Variants in CCDC171 observed in about 807,000 individuals in gnomAD.
The protein encoded by CCDC171 is coiled-coil domain-containing protein 171.
In CCDC171, 177 loss-of-function variants were observed where a neutral mutation model predicts 168.2. The ratio of observed to expected loss-of-function variants is 1.05; its 90% confidence interval spans 0.93 to 1.19. The LOEUF is 1.19. Ranked by LOEUF, CCDC171 falls within the 50% of genes most tolerant of loss-of-function variation. The probability of loss-of-function intolerance (pLI) is 0.00; values close to 1 mark genes in which losing one functional copy is unlikely to be tolerated. For missense variants in CCDC171, 1,991 were observed against 1,539.0 expected (o/e 1.29, Z -4.91); for synonymous variants, 687 against 540.8 (o/e 1.27, Z -3.75).
rs577351381 is a variant in CCDC171 at position 15,622,063 on chromosome 9, A to G, written c.676-1204A>G. On this transcript the variant is annotated intron_variant, in intron 6 of 25. Transcript: ENST00000380701. Reference sequence around the variant, plus strand: ...CCAAATACCACATGTTCTCACTTCCAAGTGGGAACTAAACAATGAGAACAC... The same window carrying G: ...CCAAATACCACATGTTCTCACTTCCGAGTGGGAACTAAACAATGAGAACAC... Among the ~76,000 whole-genome samples the G allele has an allele frequency of 4.6e-5, 7 of 152,322 alleles. No individual in the cohort carries two copies. In the South Asian group the frequency reaches 1.4e-3, roughly 32 times the overall value.
In CCDC171 at chr9:15,721,761, TTC is replaced by T; in HGVS notation, c.1319-4_1319-3del. On this transcript the variant is annotated splice_polypyrimidine_tract_variant and splice_region_variant and intron_variant, in intron 11 of 25. Coordinates refer to ENST00000380701, the MANE Select transcript of CCDC171 (RefSeq NM_173550.4). ...AAGGGTATATTTTCATCCTATATTT[TTC>T]TCTAGGCATCCACAAGGACAAAGAT... is the stretch of plus-strand genomic sequence containing the variant. 1 of 1,509,782 alleles carries T rather than the reference TTC, an allele frequency of 6.6e-7. No homozygotes were observed. Among genetic ancestry groups the T allele is most frequent in the Non-Finnish European group, 8.9e-7 (1 of 1,120,428 alleles). The allele number at this position is 1,509,782 out of a possible 1,614,324, so 93.5% of individuals were successfully genotyped here. A position where few individuals can be genotyped will look rare whatever the true frequency, so the allele number is the denominator to read the frequency against.
exon 5 of CCDC171, chr9:16,022,457 A>T (rs1453084694): frequency 1.3e-5 from 2 of 152,312 alleles, no homozygotes; most frequent in African/African-American, 4.8e-5. Context: ...CACTAGGCCT[A>T]TGGAGAGGGG....
At chr9:15,712,582 C>T (rs1294742173) in intron 11 of CCDC171, among the ~76,000 whole-genome samples, 1 of 152,130 alleles carries the variant, frequency 6.6e-6, no homozygotes, top group Non-Finnish European at 1.5e-5. Flanking sequence ...GTAGTTTGGT[C>T]AGAAACGTTA....
At chr9:16,099,569 G>A in the CCDC171 span, among the ~76,000 whole-genome samples, 2 of 152,232 alleles carry the variant, frequency 1.3e-5, no homozygotes, top group Non-Finnish European at 2.9e-5. Flanking sequence ...CTTCCCTAGC[G>A]ACTTCTGAAA....
the CCDC171 span, among the ~76,000 whole-genome samples, chr9:16,067,636 T>G: frequency 6.6e-6 from 1 of 152,230 alleles, no homozygotes; most frequent in African/African-American, 2.4e-5. Flanking sequence ...AATTAATTTT[T>G]GTATAAGGTG....
chr9:15,569,676 G>A (rs1161627233), intron 2 of CCDC171, among the ~76,000 whole-genome samples: 4 of 151,618 alleles, frequency 2.6e-5, no homozygotes, highest in Admixed American at 6.6e-5. Flanking sequence ...TTAGCCGGGC[G>A]TGGTGGCGGG....
chr9:15,612,829 C>A (rs1426181352), intron 6 of CCDC171, among the ~76,000 whole-genome samples: 2 of 152,124 alleles, frequency 1.3e-5, no homozygotes, highest in African/African-American at 4.8e-5. Flanking sequence ...GGAGTTCTTA[C>A]CTGTCTTACT....
intron 7 of CCDC171, among the ~76,000 whole-genome samples, chr9:15,650,061 A>G (rs909012711): frequency 2.6e-5 from 4 of 152,222 alleles, no homozygotes; most frequent in African/African-American, 9.6e-5. Flanking sequence ...ATGGAATACT[A>G]TGCAGCCATA....
chr9:15,611,059 C>T (rs1195855444), intron 6 of CCDC171, among the ~76,000 whole-genome samples: 1 of 152,128 alleles, frequency 6.6e-6, no homozygotes, highest in Non-Finnish European at 1.5e-5. Flanking sequence ...CCTCTTGGTA[C>T]TATCCTCATA....
At chr9:15,607,624 G>T (rs1036610978) in intron 6 of CCDC171, among the ~76,000 whole-genome samples, 2 of 152,000 alleles carry the variant, frequency 1.3e-5, no homozygotes, top group African/African-American at 4.8e-5. Flanking sequence ...ACCACACCTG[G>T]CTAATTTTTG....
chr9:16,011,136 C>T (rs1410693498), intron 3 of CCDC171, among the ~76,000 whole-genome samples: 2 of 152,118 alleles, frequency 1.3e-5, no homozygotes, highest in African/African-American at 4.8e-5. Context: ...TTTTCCCTTC[C>T]TTCTGATGTC....
At chr9:15,592,769 G>A (rs951423095) in intron 5 of CCDC171, among the ~76,000 whole-genome samples, 1 of 152,124 alleles carries the variant, frequency 6.6e-6, no homozygotes, top group African/African-American at 2.4e-5. Context: ...TCTTCAGCCA[G>A]TCAGCTTGCA....
At chr9:15,709,670 T>G (rs1415808092) in intron 11 of CCDC171, among the ~76,000 whole-genome samples, 1 of 152,154 alleles carries the variant, frequency 6.6e-6, no homozygotes, top group Non-Finnish European at 1.5e-5. Flanking sequence ...TTGAAATTTT[T>G]AAAACTATAA....
chr9:15,712,333 C>T (rs1312571988), intron 11 of CCDC171, among the ~76,000 whole-genome samples: 1 of 152,178 alleles, frequency 6.6e-6, no homozygotes, highest in Non-Finnish European at 1.5e-5. Context: ...TCCTCCTTGT[C>T]CCTGGTAACC....
chr9:15,596,146 T>G (rs546634921), intron 6 of CCDC171, among the ~76,000 whole-genome samples: 1 of 152,322 alleles, frequency 6.6e-6, no homozygotes, highest in Admixed American at 6.5e-5. Context: ...CTCTTTAGTT[T>G]AATTAGATCC....
chr9:15,776,062 T>C (rs1564384343), intron 18 of CCDC171: 1 of 152,218 alleles, frequency 6.6e-6, no homozygotes, highest in Non-Finnish European at 1.5e-5. Flanking sequence ...CATAGTACTT[T>C]AGTAAATTCC....
chr9:15,791,559 C>T (rs576539776), intron 21 of CCDC171, among the ~76,000 whole-genome samples: 1 of 152,276 alleles, frequency 6.6e-6, no homozygotes, highest in Admixed American at 6.5e-5. Flanking sequence ...AATTTGACTA[C>T]CTCTTTTCCT....
intron 7 of CCDC171, among the ~76,000 whole-genome samples, chr9:15,649,091 C>G (rs1000186968): frequency 1.3e-5 from 2 of 152,106 alleles, no homozygotes; most frequent in Admixed American, 6.5e-5. Context: ...AGAAGTAATA[C>G]CACACACCTA....
intron 6 of CCDC171, among the ~76,000 whole-genome samples, chr9:15,603,914 G>A (rs185838392): frequency 3.2e-4 from 48 of 152,288 alleles, no homozygotes; most frequent in African/African-American, 1.1e-3. Context: ...GCCAGCATCT[G>A]TTGTTTCTTG....
Sources: gnomAD v4.1 joint callset for allele counts (sites outside exome capture counted in the v4.1 genomes callset) on GRCh38, gnomAD v4.1.1 for gene constraint, MANE v1.5 for transcripts, NCBI Gene and HGNC (gene_info 2026-07-23, HGNC 2026-07-21) for gene names.